The following ZNF197 variants were observed in gnomAD, a reference collection of about 807,000 sequenced individuals.
The protein encoded by ZNF197 is VHL-associated KRAB-A domain-containing protein.
A neutral mutation model predicts 27.4 loss-of-function variants in ZNF197; 14 were observed. That is an observed-to-expected ratio of 0.51 (90% CI 0.34 to 0.80). The LOEUF is 0.80. Among genes scored for constraint, ZNF197 ranks in the 30% least tolerant of loss-of-function variants. ZNF197 has a pLI of 0.02. For missense variants in ZNF197, 1,090 were observed against 1,222.6 expected (o/e 0.89, Z 1.62); for synonymous variants, 415 against 420.0 (o/e 0.99, Z 0.15).
rs2125826401 is a variant in ZNF197, at chr3:44,643,998, A to G, written c.2868A>G (p.Lys956=). ...VGHQRIHTGE[K]PYGCNDCSKV... ...ACCAGAGAATTCACACAGGGGAGAA[A>G]CCCTATGGGTGTAATGATTGTAGTA... Residue 956 remains lysine, a synonymous_variant, in exon 6 of 6, where the codon AAA becomes AAG. Transcript: ENST00000344387. 1 of 1,614,132 alleles carries G rather than the reference A, an allele frequency of 6.2e-7. No homozygotes were observed. Among genetic ancestry groups the G allele is most frequent in the Non-Finnish European group, 8.5e-7 (1 of 1,180,012 alleles).
rs1454743411 is a variant in ZNF197 at position 44,640,269 on chromosome 3, TC to T, written c.770-1629del. Among the ~76,000 whole-genome samples the T allele has an allele frequency of 6.6e-6, 1 of 152,256 alleles. No individual in the cohort carries two copies. Among genetic ancestry groups the T allele is most frequent in the Non-Finnish European group, 1.5e-5 (1 of 68,048 alleles). On this transcript the variant is annotated intron_variant, in intron 5 of 5. Transcript: ENST00000344387. The surrounding 1 kb of genome is among the most constrained non-coding windows in gnomAD (Gnocchi z 4.0). ...AGAGTTGCTAATTTCTTAACCATTT[TC>T]CATCTCAGTTTAACTACTTGTAACA...
At position 44,625,159 on chromosome 3, in the gene ZNF197, T is replaced by G. The variant is rs1221551916; in HGVS notation, c.-82+16T>G. The G allele has an allele frequency of 6.6e-6, 1 of 151,754 alleles. No homozygotes were observed. The allele number at this position is 151,754 out of a possible 1,614,324, so 9.4% of individuals were successfully genotyped here. A position where few individuals can be genotyped will look rare whatever the true frequency, so the allele number is the denominator to read the frequency against. On this transcript the variant is annotated intron_variant, in intron 1 of 5. Coordinates refer to ENST00000344387, the MANE Select transcript of ZNF197 (RefSeq NM_006991.5). ...GGAGCCCCCGGTGAGCGGGGTGGGC[T>G]CGGGGGCGGGTGGGCGTGCAGGGAA...
At chr3:44,630,798 C>A in intron 2 of ZNF197, 1 of 621,238 alleles carries the variant, frequency 1.6e-6, no homozygotes, top group Non-Finnish European at 3.0e-6. Flanking sequence ...CCATTCCCTC[C>A]TTAACCCACA....
rs1702950256 is a variant in ZNF197, at chr3:44,646,255, T to A, written c.*2035T>A. The A allele has an allele frequency of 2.0e-6, 2 of 984,336 alleles. No individual in the cohort carries two copies. Among genetic ancestry groups the A allele is most frequent in the South Asian group, 4.7e-5 (1 of 21,278 alleles). 61.0% of individuals were successfully genotyped at this position (984,336 alleles called of 1,614,324 possible). Reference sequence around the variant, plus strand: ...TCTACCTCACAAAGTTCTTATGAGATAATGAATATAAAAATGTTTCATCCA... The same window carrying A: ...TCTACCTCACAAAGTTCTTATGAGAAAATGAATATAAAAATGTTTCATCCA... On this transcript the variant is annotated 3_prime_UTR_variant, in exon 6 of 6. Coordinates refer to ENST00000344387, the MANE Select transcript of ZNF197 (RefSeq NM_006991.5).
Position 44,646,833 on chromosome 3 carries a change from G to A in ZNF197, c.*2613G>A. 3.1e-6 allele frequency: 1 copy of A among 318,290 alleles called. No homozygotes were observed. Among genetic ancestry groups the A allele is most frequent in the South Asian group, 4.5e-5 (1 of 22,088 alleles). 19.7% of individuals were successfully genotyped at this position (318,290 alleles called of 1,614,324 possible). A position where few individuals can be genotyped will look rare whatever the true frequency, so the allele number is the denominator to read the frequency against. On this transcript the variant is annotated 3_prime_UTR_variant, in exon 6 of 6. Transcript: ENST00000344387. ...CAATTGATTTTTGACAGGGGCAAAAGCAATTCAATGGAGGAGGGATCGCCT... is the reference window on the plus strand; with the variant it reads ...CAATTGATTTTTGACAGGGGCAAAAACAATTCAATGGAGGAGGGATCGCCT...
chr3:44,632,422 G>C (rs771767965), intron 4 of ZNF197, 51 bp from the exon 5 acceptor site: 1 of 1,546,138 alleles, frequency 6.5e-7, no homozygotes, highest in Non-Finnish European at 8.7e-7. Flanking sequence ...GGAACCTTTC[G>C]ACAGGCAAGT....
rs367632215 is a variant in ZNF197 at position 44,629,338 on chromosome 3, C to T, written c.184C>T (p.Arg62Trp). ...ATCTGGACCCCAGGAAGCCCTGAGC[C>T]GGCTCAGGGAACTCTGTCGCCGGTG... ...ETSGPQEALS[R>W]LRELCRRWLR... The change falls in exon 2 of 6, where the codon CGG becomes TGG. Residue 62 changes from arginine to tryptophan, a missense_variant. By Grantham distance (101) the Arg-to-Trp change is moderately radical (BLOSUM62 -3). Transcript: ENST00000344387. The T allele has an allele frequency of 2.0e-5, 32 of 1,614,160 alleles. No individual in the cohort carries two copies. The East Asian group carries it at 3.1e-4, about 16-fold the overall frequency.
Position 44,643,784 on chromosome 3 carries a change from C to G in ZNF197, c.2654C>G (p.Ser885Cys), listed in dbSNP as rs1212497938. ...CATGTATGTAGGAAAGTCCTTACCT[C>G]TAGTAGAAATCTTATGGTACATCAA... ...ECHVCRKVLTSSRNLMVHQRI... is the reference protein window; with the variant it reads ...ECHVCRKVLTCSRNLMVHQRI... Residue 885 changes from serine (S) to cysteine (C), a missense_variant, in exon 6 of 6, where the codon TCT becomes TGT. Physicochemically the swap from Ser to Cys is moderately radical, Grantham distance 112. Coordinates refer to ENST00000344387, the MANE Select transcript of ZNF197 (RefSeq NM_006991.5). The G allele has an allele frequency of 1.1e-5, 18 of 1,613,970 alleles. No homozygotes were observed. Among genetic ancestry groups the G allele is most frequent in the Non-Finnish European group, 1.5e-5 (18 of 1,180,024 alleles).
At position 44,629,176 on chromosome 3, in the gene ZNF197, C is replaced by A. The variant is rs150993786; in HGVS notation, c.22C>A (p.His8Asn). The A allele has an allele frequency of 3.7e-6, 6 of 1,611,776 alleles. No individual in the cohort carries two copies. Among genetic ancestry groups the A allele is most frequent in the Non-Finnish European group, 5.1e-6 (6 of 1,179,240 alleles). The change falls in exon 2 of 6, where the codon CAC becomes AAC. Residue 8 changes from histidine to asparagine, a missense_variant. Physicochemically the swap from His to Asn is moderately conservative, Grantham distance 68. Transcript: ENST00000344387. ...AACAATGACAAGAGAAAATGTAGCC[C>A]ACAATGCTCTGAGACAAGAGGGCCT... is the stretch of plus-strand genomic sequence containing the variant. MTRENVA[H>N]NALRQEGLVK...
In ZNF197 at chr3:44,646,540, AAC is replaced by A. The variant is rs778181178; in HGVS notation, c.*2322_*2323del. On this transcript the variant is annotated 3_prime_UTR_variant, in exon 6 of 6. Coordinates refer to ENST00000344387, the MANE Select transcript of ZNF197 (RefSeq NM_006991.5). ...GGAACAAATAAAAGACACCACGAGA[AAC>A]AGACACATCCAGAACGTGGAATATT... is the stretch of plus-strand genomic sequence containing the variant. 4.6e-6 allele frequency: 6 copies of A among 1,290,370 alleles called. No individual in the cohort carries two copies. The East Asian group carries it at 6.9e-5, about 15-fold the overall frequency. 79.9% of individuals were successfully genotyped at this position (1,290,370 alleles called of 1,614,324 possible).
chr3:44,634,857 G>T (rs3863060), intron 5 of ZNF197, among the ~76,000 whole-genome samples: 44,702 of 151,718 alleles, frequency 0.29, 7,154 homozygotes, highest in African/African-American at 0.34. Context: ...GTGGAGGGGT[G>T]TTATTGCTTT....
At position 44,646,444 on chromosome 3, in the gene ZNF197, A is replaced by C; in HGVS notation, c.*2224A>C. On this transcript the variant is annotated 3_prime_UTR_variant, in exon 6 of 6. Coordinates refer to ENST00000344387, the MANE Select transcript of ZNF197 (RefSeq NM_006991.5). ...ACCTTCTGTGATGTAATAAGCTGAA[A>C]AATGTTCAACCTGAATTTAATCAAG... 6.2e-7 allele frequency: 1 copy of C among 1,613,116 alleles called. No individual in the cohort carries two copies. The highest frequency in any genetic ancestry group is 1.1e-5 in the South Asian group (1 of 90,844).
chr3:44,646,527 A>G lies in ZNF197; in HGVS notation c.*2307A>G. The G allele has an allele frequency of 7.0e-7, 1 of 1,428,130 alleles. No homozygotes were observed. The highest frequency in any genetic ancestry group is 1.8e-4 in the Middle Eastern group (1 of 5,712). The allele number at this position is 1,428,130 out of a possible 1,614,324, so 88.5% of individuals were successfully genotyped here. A position where few individuals can be genotyped will look rare whatever the true frequency, so the allele number is the denominator to read the frequency against. The stretch of plus-strand genomic sequence containing the variant: ...TACAGGAGGCAGAGGAACAAATAAA[A>G]GACACCACGAGAAACAGACACATCC... On this transcript the variant is annotated 3_prime_UTR_variant, in exon 6 of 6. Transcript: ENST00000344387.
chr3:44,632,442 T>A (rs148671584), intron 4 of ZNF197, 31 bp from the exon 5 acceptor site: 1 of 1,559,442 alleles, frequency 6.4e-7, no homozygotes, highest in Non-Finnish European at 8.7e-7. Flanking sequence ...TTCCTGGGCA[T>A]TGGTAATCTC....
In ZNF197 at chr3:44,629,457, G is replaced by A. The variant is rs142965982; in HGVS notation, c.303G>A (p.Trp101Ter). 8 of 1,613,426 alleles carry A rather than the reference G, an allele frequency of 5.0e-6. No individual in the cohort carries two copies. In the African/African-American group the frequency reaches 1.1e-4, roughly 22 times the overall value. Residue 101 changes from tryptophan to a stop codon, truncating the protein, a stop_gained, in exon 2 of 6, where the codon TGG (tryptophan) becomes TGA (stop). Coordinates refer to ENST00000344387, the MANE Select transcript of ZNF197 (RefSeq NM_006991.5). LOFTEE classifies it high-confidence loss of function. Reference sequence around the variant, plus strand: ...TCCTGCCTGGGGAGATTCGGACCTGGGTACAGCTCCATCACCCTGGAAGTG... The same window carrying A: ...TCCTGCCTGGGGAGATTCGGACCTGAGTACAGCTCCATCACCCTGGAAGTG... ...LSILPGEIRT[W>*]VQLHHPGSGE... is the part of the protein sequence containing the mutation.
chr3:44,640,181 T>C lies in ZNF197; in HGVS notation c.770-1719T>C, dbSNP rs896192434. ...TCTTAAAAAGCTCAAGAGGCCCATA[T>C]ATAGTCTGATTCCTAAGCTAAAAAT... On this transcript the variant is annotated intron_variant, in intron 5 of 5. Transcript: ENST00000344387. This position sits in a 1 kb window ranked among gnomAD's most constrained non-coding sequence, Gnocchi z 4.0. Among the ~76,000 whole-genome samples the C allele has an allele frequency of 6.6e-6, 1 of 152,222 alleles. No homozygotes were observed. Among genetic ancestry groups the C allele is most frequent in the African/African-American group, 2.4e-5 (1 of 41,464 alleles).
rs1702922088 is a variant in ZNF197 at position 44,645,811 on chromosome 3, C to T, written c.*1591C>T. 3.0e-6 allele frequency: 3 copies of T among 985,324 alleles called. No homozygotes were observed. Among genetic ancestry groups the T allele is most frequent in the Admixed American group, 1.2e-4 (2 of 16,270 alleles). 61.0% of individuals were successfully genotyped at this position (985,324 alleles called of 1,614,324 possible). A position where few individuals can be genotyped will look rare whatever the true frequency, so the allele number is the denominator to read the frequency against. ...AAGCTCTTCACTGATTAAGCCAGTG[C>T]AGAATCCACTTGTGGGCAGTCAGTG... On this transcript the variant is annotated 3_prime_UTR_variant, in exon 6 of 6. Transcript: ENST00000344387.
At position 44,643,725 on chromosome 3, in the gene ZNF197, A is replaced by G. The variant is rs1167615045; in HGVS notation, c.2595A>G (p.Gln865=). ...FTYNRNLIEH[Q]RIHSGEKTYE... is the part of the protein sequence containing the mutation. ...ACAACAGAAACCTGATTGAACATCA[A>G]AGAATTCACAGTGGAGAAAAAACCT... The change falls in exon 6 of 6, where the codon CAA becomes CAG. Residue 865 remains glutamine, a synonymous_variant. Transcript: ENST00000344387. The G allele has an allele frequency of 6.2e-7, 1 of 1,614,000 alleles. No homozygotes were observed. Among genetic ancestry groups the G allele is most frequent in the Non-Finnish European group, 8.5e-7 (1 of 1,180,018 alleles).
At chr3:44,632,946 G>C (rs578159188) in intron 5 of ZNF197, among the ~76,000 whole-genome samples, 1 of 152,184 alleles carries the variant, frequency 6.6e-6, no homozygotes, top group African/African-American at 2.4e-5. Flanking sequence ...AATTCAGTCA[G>C]CCATTCCTTA....
Sources: gnomAD v4.1 joint callset for allele counts (sites outside exome capture counted in the v4.1 genomes callset) on GRCh38, gnomAD v4.1.1 for gene constraint, Gnocchi (gnomAD v3.1) non-coding constraint, MANE v1.5 for transcripts, NCBI Gene and HGNC (gene_info 2026-07-23, HGNC 2026-07-21) for gene names.